The following B3GLCT variants were observed in gnomAD, a reference collection of about 807,000 sequenced individuals.
B3GLCT encodes the protein beta-1,3-glucosyltransferase.
B3GLCT carries 65 observed loss-of-function variants against 63.4 expected under a neutral mutation model. The ratio of observed to expected loss-of-function variants is 1.03; its 90% CI spans 0.84 to 1.26. B3GLCT has a LOEUF of 1.26. Among genes scored for constraint, B3GLCT ranks in the 50% most tolerant of loss-of-function variants. The probability of loss-of-function intolerance (pLI) is 0.00; values close to 1 mark genes in which losing one functional copy is unlikely to be tolerated. For synonymous variants in B3GLCT, 233 were observed against 219.2 expected (o/e 1.06, Z -0.55); for missense variants, 577 against 604.8 (o/e 0.95, Z 0.48).
chr13:31,263,148 T>C (rs1022510962), intron 7 of B3GLCT, among the ~76,000 whole-genome samples: 2 of 152,186 alleles, frequency 1.3e-5, no homozygotes, highest in African/African-American at 4.8e-5. Context: ...CATCACTGCC[T>C]TCTGATCCAG....
At chr13:31,293,667 C>T (rs1329061527) in intron 12 of B3GLCT, among the ~76,000 whole-genome samples, 1 of 152,080 alleles carries the variant, frequency 6.6e-6, no homozygotes, top group Non-Finnish European at 1.5e-5. Context: ...GATAAATCTT[C>T]CTCCATTCCT....
rs1555254604 is a variant in B3GLCT, at chr13:31,308,362, A to AAAAAAAAC, written c.1065-9197_1065-9196insCAAAAAAA. Among the ~76,000 whole-genome samples, 603 of 61,904 alleles carry AAAAAAAAC rather than the reference A, an allele frequency of 9.7e-3. 27 individuals are homozygous for AAAAAAAAC. The highest frequency in any genetic ancestry group is 0.014 in the African/African-American group (304 of 21,802). The allele number at this position is 61,904 out of a possible 152,430, so 40.6% of individuals were successfully genotyped here. A position where few individuals can be genotyped will look rare whatever the true frequency, so the allele number is the denominator to read the frequency against. On this transcript the variant is annotated intron_variant, in intron 12 of 14. Coordinates refer to ENST00000343307, the MANE Select transcript of B3GLCT (RefSeq NM_194318.4). ...AAAAAAAAATTAAAAAAAAAAAAAC[A>AAAAAAAAC]AAAAAAAAAGCTAGTCCCACATGGC...
rs565875502 is a variant in B3GLCT, at chr13:31,278,572, G to A, written c.850+1801G>A. On this transcript the variant is annotated intron_variant, in intron 10 of 14. Coordinates refer to ENST00000343307, the MANE Select transcript of B3GLCT (RefSeq NM_194318.4). ...CATATTTGGGTTTCTGTGGTAAGCC[G>A]TTTTTCAACTTGGATATGTTTGTTT... Among the ~76,000 whole-genome samples, 9 of 152,240 alleles carry A rather than the reference G, an allele frequency of 5.9e-5. No homozygotes were observed. In the South Asian group the frequency reaches 8.3e-4, roughly 14 times the overall value.
intron 12 of B3GLCT, among the ~76,000 whole-genome samples, chr13:31,313,167 A>G (rs1235680243): frequency 6.6e-6 from 1 of 152,236 alleles, no homozygotes; most frequent in Non-Finnish European, 1.5e-5. Context: ...GGGATGGGAA[A>G]GGTGATCTTT....
intron 12 of B3GLCT, among the ~76,000 whole-genome samples, chr13:31,294,607 G>A (rs2137895039): frequency 6.6e-6 from 1 of 152,222 alleles, no homozygotes. Context: ...TTAGGCTGTT[G>A]ATACTTGTGT....
chr13:31,296,102 G>A (rs771641557), intron 12 of B3GLCT, among the ~76,000 whole-genome samples: 57 of 152,146 alleles, frequency 3.7e-4, no homozygotes, highest in East Asian at 3.9e-4. Context: ...CAGGTAAGGC[G>A]ACGCACCCAC....
intron 9 of B3GLCT, among the ~76,000 whole-genome samples, chr13:31,275,799 GCACACACACA>G (rs140387866): frequency 2.0e-5 from 3 of 150,918 alleles, no homozygotes; most frequent in Non-Finnish European, 4.4e-5. Context: ...ACACACACAC[GCACACACACA>G]CACCCCAAAA....
chr13:31,200,118 C>A lies in B3GLCT; in HGVS notation c.34C>A (p.Pro12Thr). The change falls in exon 1 of 15, where the codon CCG becomes ACG. Residue 12 changes from proline to threonine, a missense_variant. Transcript: ENST00000343307. ...RPPACWWLLA[P>T]PALLALLTCS... ...GCCCGCCTGCTGGTGGCTGCTCGCG[C>A]CGCCGGCGCTGCTCGCGCTCCTCAC... 1 of 1,376,994 alleles carries A rather than the reference C, an allele frequency of 7.3e-7. No individual in the cohort carries two copies. Among genetic ancestry groups the A allele is most frequent in the Middle Eastern group, 2.7e-4 (1 of 3,704 alleles). The allele number at this position is 1,376,994 out of a possible 1,614,324, so 85.3% of individuals were successfully genotyped here. A position where few individuals can be genotyped will look rare whatever the true frequency, so the allele number is the denominator to read the frequency against.
intron 4 of B3GLCT, among the ~76,000 whole-genome samples, chr13:31,244,272 A>G (rs145841931): frequency 6.6e-6 from 1 of 152,166 alleles, no homozygotes; most frequent in Non-Finnish European, 1.5e-5. Flanking sequence ...CGGGTGGATC[A>G]CCTGAAATCA....
At chr13:31,282,152 A>G (rs572952474) in intron 10 of B3GLCT, among the ~76,000 whole-genome samples, 1 of 152,346 alleles carries the variant, frequency 6.6e-6, no homozygotes, top group African/African-American at 2.4e-5. Flanking sequence ...AAAGTTTAGT[A>G]TCTTTAGGAA....
chr13:31,319,401 G>T (rs1475925424), intron 13 of B3GLCT, among the ~76,000 whole-genome samples: 2 of 152,182 alleles, frequency 1.3e-5, no homozygotes, highest in Non-Finnish European at 2.9e-5. Flanking sequence ...TAAACTCCCA[G>T]CCTCCTAAAC....
At chr13:31,269,381 C>T (rs1872479586) in intron 8 of B3GLCT, 104 bp downstream of exon 8, 1 of 762,934 alleles carries the variant, frequency 1.3e-6, no homozygotes, top group Non-Finnish European at 2.3e-6. Context: ...TCCCCACCCA[C>T]ATCTACTCCC....
At chr13:31,272,508 G>A (rs1250201310) in intron 8 of B3GLCT, among the ~76,000 whole-genome samples, 2 of 152,050 alleles carry the variant, frequency 1.3e-5, no homozygotes, top group African/African-American at 2.4e-5. Context: ...GAGCCACCGT[G>A]CCCGGCCCCT....
At chr13:31,213,234 A>C (rs1869368762) in intron 1 of B3GLCT, among the ~76,000 whole-genome samples, 1 of 152,154 alleles carries the variant, frequency 6.6e-6, no homozygotes, top group African/African-American at 2.4e-5. Flanking sequence ...TTATTAAGTA[A>C]ATATTTATTG....
In B3GLCT at chr13:31,277,751, C is replaced by A. The variant is rs77902101; in HGVS notation, c.850+980C>A. On this transcript the variant is annotated intron_variant, in intron 10 of 14. Coordinates refer to ENST00000343307, the MANE Select transcript of B3GLCT (RefSeq NM_194318.4). ...ATAGTATTGTCTAAGACATCAACAT[C>A]AATTAAAATCCAGCTATAATCAATT... Among the ~76,000 whole-genome samples the A allele has an allele frequency of 8.4e-4, 128 of 152,138 alleles. 2 individuals are homozygous for A. In the East Asian group the frequency reaches 0.024, roughly 29 times the overall value.
At chr13:31,300,160 A>G (rs1874152223) in intron 12 of B3GLCT, among the ~76,000 whole-genome samples, 1 of 152,194 alleles carries the variant, frequency 6.6e-6, no homozygotes, top group Non-Finnish European at 1.5e-5. Context: ...AGGGTAGTGT[A>G]GAATCCAGTG....
At chr13:31,239,675 C>T (rs1445097345) in intron 4 of B3GLCT, among the ~76,000 whole-genome samples, 1 of 148,840 alleles carries the variant, frequency 6.7e-6, no homozygotes, top group Non-Finnish European at 1.5e-5. Context: ...GCAAAGCTGT[C>T]ACCTGAGTCT....
intron 1 of B3GLCT, among the ~76,000 whole-genome samples, chr13:31,206,841 G>T (rs2137730811): frequency 6.6e-6 from 1 of 152,232 alleles, no homozygotes; most frequent in Middle Eastern, 3.4e-3. Context: ...TCCTCAGTCA[G>T]GTCTTTTGTG....
rs114994830 is a variant in B3GLCT at position 31,248,647 on chromosome 13, G to A, written c.459+681G>A. Among the ~76,000 whole-genome samples, 412 of 152,270 alleles carry A rather than the reference G, an allele frequency of 2.7e-3. 4 individuals carry two copies. The highest frequency in any genetic ancestry group is 9.4e-3 in the African/African-American group (391 of 41,556). ...GGGAACACGATTTGAGAAAGAATGG[G>A]GGTGGGAAGGGATGTATCTTGAACT... On this transcript the variant is annotated intron_variant, in intron 6 of 14. Transcript: ENST00000343307.
Sources: gnomAD v4.1 joint callset for allele counts (sites outside exome capture counted in the v4.1 genomes callset) on GRCh38, gnomAD v4.1.1 for gene constraint, MANE v1.5 for transcripts, NCBI Gene and HGNC (gene_info 2026-07-23, HGNC 2026-07-21) for gene names.